Variants in MID1 observed in about 807,000 individuals in gnomAD.
The protein encoded by MID1 is midline 1.
MID1 carries 7 observed loss-of-function variants against 40.4 expected under a neutral mutation model. The ratio of observed to expected loss-of-function variants is 0.17; its 90% CI spans 0.10 to 0.33. The LOEUF (loss-of-function observed/expected upper bound fraction) is 0.33. Among genes scored for constraint, MID1 ranks in the 10% least tolerant of loss-of-function variants. The pLI is 1.00. For missense variants in MID1, 367 were observed against 558.5 expected (o/e 0.66, Z 3.46); for synonymous variants, 229 against 221.2 (o/e 1.04, Z -0.31).
At chrX:10,586,788 T>G (rs1369926606) in intron 1 of MID1, among the ~76,000 whole-genome samples, 1 of 112,789 alleles carries the variant, frequency 8.9e-6, no homozygotes, top group Non-Finnish European at 1.9e-5. Flanking sequence ...CTAGTTGTTT[T>G]GAGAGATAGG....
At chrX:10,528,779 C>T (rs1016847867) in intron 2 of MID1, among the ~76,000 whole-genome samples, 6 of 112,227 alleles carry the variant, frequency 5.3e-5, no homozygotes, top group Non-Finnish European at 1.1e-4. Flanking sequence ...AAATAGATGC[C>T]ACTCAATGAA....
intron 2 of MID1, among the ~76,000 whole-genome samples, chrX:10,526,134 T>A (rs186063498): frequency 3.4e-3 from 384 of 112,107 alleles, no homozygotes; most frequent in Middle Eastern, 9.2e-3. Context: ...TGTCTTGGAA[T>A]CACTCAAAAC....
At chrX:10,623,098 A>AT (rs1283324565), upstream of MID1, among the ~76,000 whole-genome samples, 1 of 105,419 alleles carries the variant, frequency 9.5e-6, no homozygotes, top group African/African-American at 3.5e-5. Context: ...AAAAAAAAAA[A>AT]AAAATAGCTG....
intron 1 of MID1, among the ~76,000 whole-genome samples, chrX:10,775,030 G>C (rs893813327): frequency 9.3e-6 from 1 of 107,353 alleles, no homozygotes; most frequent in Non-Finnish European, 1.9e-5. Flanking sequence ...ATAATCAGTG[G>C]GTTTTTTGGA....
chrX:10,528,447 G>C (rs1932876435), intron 2 of MID1, among the ~76,000 whole-genome samples: 1 of 111,619 alleles, frequency 9.0e-6, no homozygotes, highest in South Asian at 3.8e-4. Flanking sequence ...TAGAACAGGG[G>C]GTGGCAAACT....
At chrX:10,454,402 T>G (rs939434109) in intron 9 of MID1, among the ~76,000 whole-genome samples, 4 of 112,336 alleles carry the variant, frequency 3.6e-5, no homozygotes, top group Admixed American at 2.8e-4. Context: ...AAGTAAATAT[T>G]TTTGGCTTCG....
At chrX:10,486,072 G>T (rs1365108247) in intron 4 of MID1, among the ~76,000 whole-genome samples, 2 of 111,637 alleles carry the variant, frequency 1.8e-5, no homozygotes. Context: ...TTTCCAGGGA[G>T]CCTCATGGCT....
At chrX:10,672,234 A>G (rs766841294) in intron 1 of MID1, among the ~76,000 whole-genome samples, 37 of 111,208 alleles carry the variant, frequency 3.3e-4, no homozygotes, top group African/African-American at 1.2e-3. Context: ...CAAAAAAAAA[A>G]AAAATTGAAA....
intron 3 of MID1, among the ~76,000 whole-genome samples, chrX:10,519,630 T>G (rs1932612492): frequency 8.9e-6 from 1 of 112,049 alleles, no homozygotes; most frequent in East Asian, 2.8e-4. Context: ...TAATCTGCTC[T>G]CTCACCTATG....
intron 1 of MID1, among the ~76,000 whole-genome samples, chrX:10,810,119 G>A (rs2044086523): frequency 9.0e-6 from 1 of 111,151 alleles, no homozygotes; most frequent in Non-Finnish European, 1.9e-5. Context: ...ACTTCTGGAA[G>A]TTTCTCGTCA....
At chrX:10,822,410 C>A (rs1373093237) in intron 1 of MID1, among the ~76,000 whole-genome samples, 1 of 111,777 alleles carries the variant, frequency 8.9e-6, no homozygotes, top group African/African-American at 3.3e-5. Flanking sequence ...CTAGGCAATA[C>A]CATTCAGGAA....
chrX:10,746,106 G>C (rs148512357), intron 1 of MID1, among the ~76,000 whole-genome samples: 74 of 112,139 alleles, frequency 6.6e-4, no homozygotes, highest in African/African-American at 2.3e-3. Flanking sequence ...TCACTGGGTA[G>C]AGAAGAGGCG....
chrX:10,540,842 A>C (rs1321362877), intron 2 of MID1, among the ~76,000 whole-genome samples: 4 of 112,294 alleles, frequency 3.6e-5, no homozygotes, highest in Admixed American at 9.4e-5. Flanking sequence ...TATTTGCTGC[A>C]TAGTAGTCTC....
intron 1 of MID1, among the ~76,000 whole-genome samples, chrX:10,610,141 C>A (rs56214808): frequency 0.019 from 2,098 of 112,271 alleles, 41 homozygotes; most frequent in Admixed American, 0.088. Context: ...CACAGAGATG[C>A]CGCTTTTCAG....
chrX:10,628,741 A>G (rs1330232085), intron 1 of MID1, among the ~76,000 whole-genome samples: 1 of 111,915 alleles, frequency 8.9e-6, no homozygotes, highest in Non-Finnish European at 1.9e-5. Context: ...GAGTACCTAC[A>G]TTACAGAGAT....
chrX:10,751,594 G>A (rs951655010), intron 1 of MID1, among the ~76,000 whole-genome samples: 3 of 111,912 alleles, frequency 2.7e-5, no homozygotes, highest in Non-Finnish European at 3.8e-5. Context: ...TCATGCCACT[G>A]CACTACAGCC....
In MID1 at chrX:10,736,213, T is replaced by G. The variant is rs556662276; in HGVS notation, c.-187+97341A>C. Among the ~76,000 whole-genome samples, 87 of 109,945 alleles carry G rather than the reference T, an allele frequency of 7.9e-4. No individual in the cohort carries two copies. In the South Asian group the frequency reaches 8.2e-3, roughly 10 times the overall value. On this transcript the variant is annotated intron_variant, in intron 1 of 10. Transcript: ENST00000380785. Reference sequence around the variant, plus strand: ...CCAGGATGGTCTCAATCTCCTGACCTCGTGATCCGCCCGCCTCGGCCTCCC... The same window carrying G: ...CCAGGATGGTCTCAATCTCCTGACCGCGTGATCCGCCCGCCTCGGCCTCCC...
intron 8 of MID1, among the ~76,000 whole-genome samples, chrX:10,457,184 A>G (rs993628730): frequency 1.8e-5 from 2 of 112,139 alleles, no homozygotes; most frequent in African/African-American, 6.5e-5. Context: ...ATGAAGGCCA[A>G]GTTCTGCTCG....
intron 1 of MID1, among the ~76,000 whole-genome samples, chrX:10,673,085 G>C (rs1432452002): frequency 8.9e-6 from 1 of 111,979 alleles, no homozygotes; most frequent in African/African-American, 3.2e-5. Context: ...CTAAATAATT[G>C]TGTTGCGGTA....
Sources: gnomAD v4.1 joint callset for allele counts (sites outside exome capture counted in the v4.1 genomes callset) on GRCh38, gnomAD v4.1.1 for gene constraint, MANE v1.5 for transcripts, NCBI Gene and HGNC (gene_info 2026-07-23, HGNC 2026-07-21) for gene names.